The following ADH5 variants were observed in gnomAD, a reference collection of about 807,000 sequenced individuals.
ADH5 encodes the protein alcohol dehydrogenase 5 (class III), chi polypeptide, also known as alcohol dehydrogenase class-3.
ADH5 carries 32 observed loss-of-function variants against 40.3 expected under a neutral mutation model. The ratio of observed to expected loss-of-function variants is 0.79; its 90% confidence interval spans 0.60 to 1.07. The LOEUF (loss-of-function observed/expected upper bound fraction) is 1.07. Ranked by LOEUF, ADH5 falls within the 50% of genes least tolerant of loss-of-function variation. The pLI is 0.00. For missense variants in ADH5, 353 were observed against 460.5 expected, an observed-to-expected ratio of 0.77 and a Z score of 2.14; for synonymous variants, 125 against 154.3, an observed-to-expected ratio of 0.81 and a Z score of 1.41.
At position 99,087,345 on chromosome 4, in the gene ADH5, G is replaced by A. The variant is rs1728164103; in HGVS notation, c.12+1344C>T. 4.5e-5 allele frequency among the ~76,000 whole-genome samples: 6 copies of A among 132,344 alleles called. No homozygotes were observed. In the Admixed American group the frequency reaches 5.1e-4, roughly 11 times the overall value. The allele number at this position is 132,344 out of a possible 152,430, so 86.8% of individuals were successfully genotyped here. ...TGCAGTGACCCAAGATCGCGCTATC[G>A]CACTCCAGCCTGGGAAACAAAGAGC... is the stretch of plus-strand genomic sequence containing the variant. On this transcript the variant is annotated intron_variant, in intron 1 of 8. Transcript: ENST00000296412.
rs1311057800 is a variant in ADH5 at position 99,076,553 on chromosome 4, C to T, written c.565-1G>A. ...CGGCACAAACAGAGCCAGGCTCCAA[C>T]TAGGAGTAAAGAAAGTTTATAAAGT... On this transcript the variant is annotated splice_acceptor_variant, in intron 5 of 8. Coordinates refer to ENST00000296412, the MANE Select transcript of ADH5 (RefSeq NM_000671.4). LOFTEE classifies it high-confidence loss of function. 1.2e-6 allele frequency: 2 copies of T among 1,612,070 alleles called. No homozygotes were observed. Among genetic ancestry groups the T allele is most frequent in the East Asian group, 2.2e-5 (1 of 44,882 alleles).
intron 2 of ADH5, among the ~76,000 whole-genome samples, chr4:99,083,903 T>C (rs529334044): frequency 6.6e-6 from 1 of 152,314 alleles, no homozygotes; most frequent in African/African-American, 2.4e-5. Context: ...GCTGGCTACC[T>C]TGTACAATAT....
intron 4 of ADH5, chr4:99,079,892 A>G: frequency 4.9e-6 from 2 of 410,156 alleles, no homozygotes; most frequent in Non-Finnish European, 9.4e-6. Flanking sequence ...GGTTTGGCAA[A>G]TTTAGCCTGC....
chr4:99,086,393 G>A (rs1728133339), intron 1 of ADH5, among the ~76,000 whole-genome samples: 1 of 152,160 alleles, frequency 6.6e-6, no homozygotes, highest in Admixed American at 6.5e-5. Context: ...CTTGAGAAAT[G>A]TGTGGACAGA....
chr4:99,084,674 T>C (rs1211147703), intron 2 of ADH5, among the ~76,000 whole-genome samples: 2 of 152,236 alleles, frequency 1.3e-5, no homozygotes, highest in African/African-American at 4.8e-5. Context: ...GCTTCCACTT[T>C]ATCCTATGAA....
At chr4:99,087,209 C>A (rs1728160364) in intron 1 of ADH5, among the ~76,000 whole-genome samples, 1 of 152,012 alleles carries the variant, frequency 6.6e-6, no homozygotes, top group African/African-American at 2.4e-5. Context: ...TATGGCGAAA[C>A]CCCGTCTCTA....
intron 4 of ADH5, chr4:99,080,016 T>C (rs1170007465): frequency 2.2e-6 from 1 of 454,902 alleles, no homozygotes; most frequent in Non-Finnish European, 4.4e-6. Flanking sequence ...AGTATATTTA[T>C]GGTTTGCTTT....
chr4:99,082,086 C>A lies in ADH5; in HGVS notation c.145G>T (p.Ala49Ser). 1 of 1,613,924 alleles carries A rather than the reference C, an allele frequency of 6.2e-7. No individual in the cohort carries two copies. The highest frequency in any genetic ancestry group is 8.5e-7 in the Non-Finnish European group (1 of 1,179,836). ...GGATCAGCTCCACTCAGGGTATAGGCATCGGTGTGGCAAACCGCAGTGGCA... is the reference window on the plus strand; with the variant it reads ...GGATCAGCTCCACTCAGGGTATAGGAATCGGTGTGGCAAACCGCAGTGGCA... ...IIATAVCHTD[A>S]YTLSGADPEG... The change falls in exon 3 of 9, where the codon GCC (alanine) becomes TCC (serine). Residue 49 changes from alanine to serine, a missense_variant. Transcript: ENST00000296412.
rs766027668 is a variant in ADH5, at chr4:99,076,793, T to C, written c.475A>G (p.Lys159Glu). The stretch of plus-strand genomic sequence containing the variant: ...TCCAAAGGTGCTAAAGGATCTATTT[T>C]AGCAACAGAGATATCAGCCACAACT... ...YTVVADISVA[K>E]IDPLAPLDKV... The change falls in exon 5 of 9, where the codon AAA (lysine) becomes GAA (glutamate). Residue 159 changes from lysine to glutamate, a missense_variant. Coordinates refer to ENST00000296412, the MANE Select transcript of ADH5 (RefSeq NM_000671.4). 6.2e-7 allele frequency: 1 copy of C among 1,614,050 alleles called. No homozygotes were observed. The highest frequency in any genetic ancestry group is 1.7e-5 in the Admixed American group (1 of 60,030).
chr4:99,080,654 T>TA (rs1300760252), intron 4 of ADH5: 2 of 152,426 alleles, frequency 1.3e-5, no homozygotes, highest in Non-Finnish European at 2.9e-5. Flanking sequence ...CCGCAAATGG[T>TA]AGAGAAGGCT....
intron 4 of ADH5, among the ~76,000 whole-genome samples, chr4:99,078,034 A>G (rs1727960795): frequency 6.6e-6 from 1 of 152,204 alleles, no homozygotes; most frequent in African/African-American, 2.4e-5. Context: ...CACAGAACTG[A>G]TGTTTAGTAA....
Position 99,072,573 on chromosome 4 carries a change from C to T in ADH5, c.1100G>A (p.Ser367Asn), listed in dbSNP as rs199893694. Residue 367 changes from serine (S) to asparagine (N), a missense_variant and splice_region_variant, in exon 8 of 9, where the codon AGC (serine) becomes AAC (asparagine). Ser to Asn is a conservative substitution (Grantham distance 46). Coordinates refer to ENST00000296412, the MANE Select transcript of ADH5 (RefSeq NM_000671.4). ...TATGATATATAAAGAGAAAGCCTAC[C>T]TCTTTCCAGAATGCATCAGTTCAAA... ...KAFELMHSGKSIRTVVKI is the reference protein window; with the variant it reads ...KAFELMHSGKNIRTVVKI 1.2e-6 allele frequency: 2 copies of T among 1,610,726 alleles called. No homozygotes were observed. The highest frequency in any genetic ancestry group is 2.7e-5 in the African/African-American group (2 of 74,784).
intron 6 of ADH5, 120 bp downstream of exon 6, chr4:99,076,172 C>T (rs1350791537): frequency 3.0e-6 from 3 of 986,860 alleles, no homozygotes. Context: ...CCCCTTCTTT[C>T]ACTAGAAAAA....
intron 4 of ADH5, 118 bp downstream of exon 4, chr4:99,081,247 C>T: frequency 1.8e-6 from 1 of 547,892 alleles, no homozygotes; most frequent in Non-Finnish European, 3.2e-6. Context: ...GAACGTTAAT[C>T]CGACTGGGTT....
chr4:99,081,895 G>A, intron 3 of ADH5, 80 bp downstream of exon 3: 2 of 1,421,016 alleles, frequency 1.4e-6, no homozygotes, highest in South Asian at 1.3e-5. Context: ...CATAAATAGT[G>A]GGTAGTTTTA....
chr4:99,080,798 A>C (rs1265292860), intron 4 of ADH5: 1 of 158,424 alleles, frequency 6.3e-6, no homozygotes, highest in Non-Finnish European at 1.4e-5. Flanking sequence ...TGCACTACAT[A>C]AACTGCCACA....
intron 4 of ADH5, 116 bp downstream of exon 4, chr4:99,081,249 G>A: frequency 5.9e-6 from 4 of 674,530 alleles, no homozygotes; most frequent in East Asian, 3.4e-5. Flanking sequence ...ACGTTAATCC[G>A]ACTGGGTTAA....
intron 2 of ADH5, among the ~76,000 whole-genome samples, chr4:99,083,122 G>A (rs1728059169): frequency 1.3e-5 from 2 of 152,166 alleles, no homozygotes; most frequent in Non-Finnish European, 2.9e-5. Context: ...GAAGATGGCT[G>A]TACTCATTGT....
chr4:99,084,660 A>ACTT (rs1343412360), intron 2 of ADH5, among the ~76,000 whole-genome samples: 1 of 152,144 alleles, frequency 6.6e-6, no homozygotes, highest in Non-Finnish European at 1.5e-5. Flanking sequence ...TCTCTAATAA[A>ACTT]CTTGCTTCCA....
Sources: gnomAD v4.1 joint callset for allele counts (sites outside exome capture counted in the v4.1 genomes callset) on GRCh38, gnomAD v4.1.1 for gene constraint, MANE v1.5 for transcripts, NCBI Gene and HGNC (gene_info 2026-07-23, HGNC 2026-07-21) for gene names.